The following WDR7 variants were observed in gnomAD, a reference collection of about 807,000 sequenced individuals.
WDR7 encodes WD repeat-containing protein 7.
Under a neutral mutation model 169.4 loss-of-function variants are expected in WDR7, and 46 were observed. The observed-to-expected ratio is 0.27, with a 90% CI of 0.21 to 0.35. WDR7 has a LOEUF of 0.35. WDR7 is among the 10% of genes least tolerant of loss of function. The pLI, the probability that WDR7 is intolerant of heterozygous loss-of-function variation, is 1.00. For synonymous variants in WDR7, 612 were observed against 666.8 expected, an observed-to-expected ratio of 0.92 and a Z score of 1.27; for missense variants, 1,534 against 1,859.3, an observed-to-expected ratio of 0.83 and a Z score of 3.22.
At chr18:56,798,006 CA>C (rs1417600052) in intron 19 of WDR7, among the ~76,000 whole-genome samples, 1 of 152,062 alleles carries the variant, frequency 6.6e-6, no homozygotes, top group Admixed American at 6.6e-5. Flanking sequence ...ATATATGTCG[CA>C]GGGAAATGTA....
chr18:57,026,112 A>C (rs1467488385), intron 27 of WDR7, among the ~76,000 whole-genome samples: 2 of 152,266 alleles, frequency 1.3e-5, no homozygotes, highest in Admixed American at 6.5e-5. Context: ...AATATTTAGA[A>C]TCTAAAGAAA....
intron 20 of WDR7, among the ~76,000 whole-genome samples, chr18:56,867,845 G>A (rs1433553226): frequency 6.6e-6 from 1 of 152,078 alleles, no homozygotes; most frequent in Non-Finnish European, 1.5e-5. Flanking sequence ...TCTGATATTT[G>A]CAACAGAGGC....
chr18:56,939,179 T>C (rs1280205570), intron 24 of WDR7, 132 bp from the exon 25 acceptor site: 2 of 576,180 alleles, frequency 3.5e-6, no homozygotes, highest in Non-Finnish European at 5.7e-6. Context: ...TAAATTGCTT[T>C]TGTTTTTATT....
intron 1 of WDR7, among the ~76,000 whole-genome samples, chr18:56,653,740 T>C (rs904859347): frequency 1.3e-5 from 2 of 152,222 alleles, no homozygotes; most frequent in African/African-American, 4.8e-5. Flanking sequence ...CTGCACAATA[T>C]TTCAGAATGT....
chr18:56,771,451 G>T (rs2044155109), intron 16 of WDR7, among the ~76,000 whole-genome samples: 2 of 151,984 alleles, frequency 1.3e-5, no homozygotes, highest in South Asian at 4.1e-4. Context: ...GTGGAGCGTG[G>T]TGGCTCATGC....
intron 20 of WDR7, among the ~76,000 whole-genome samples, chr18:56,863,353 A>G (rs1023171103): frequency 6.6e-6 from 1 of 151,736 alleles, no homozygotes; most frequent in Non-Finnish European, 1.5e-5. Flanking sequence ...TTGATTCTGT[A>G]GTGAGTAAGA....
At chr18:56,685,146 T>G (rs1209228764) in intron 5 of WDR7, among the ~76,000 whole-genome samples, 1 of 152,216 alleles carries the variant, frequency 6.6e-6, no homozygotes, top group African/African-American at 2.4e-5. Context: ...TATTTAAAGA[T>G]AACAATTTTT....
intron 20 of WDR7, among the ~76,000 whole-genome samples, chr18:56,876,940 T>C (rs2046031306): frequency 6.6e-6 from 1 of 152,154 alleles, no homozygotes; most frequent in African/African-American, 2.4e-5. Flanking sequence ...TCCTGCGCTT[T>C]GGGAGGCGAA....
intron 7 of WDR7, among the ~76,000 whole-genome samples, chr18:56,689,550 G>A (rs1468585586): frequency 3.3e-5 from 5 of 152,156 alleles, no homozygotes; most frequent in Admixed American, 1.3e-4. Context: ...ATGAGCCACC[G>A]TGCCTGGCCT....
At chr18:57,006,971 T>C (rs895737121) in intron 26 of WDR7, among the ~76,000 whole-genome samples, 4 of 151,874 alleles carry the variant, frequency 2.6e-5, no homozygotes, top group East Asian at 1.9e-4. Flanking sequence ...TTTTTTGTTA[T>C]CTTTCCTAAC....
intron 21 of WDR7, among the ~76,000 whole-genome samples, chr18:56,904,888 A>G (rs781525136): frequency 1.9e-4 from 29 of 152,272 alleles, no homozygotes; most frequent in Non-Finnish European, 2.9e-4. Flanking sequence ...TGAGAGAACC[A>G]TGGAAGGAAT....
chr18:56,701,919 A>G (rs562566723), intron 12 of WDR7, among the ~76,000 whole-genome samples: 2 of 152,226 alleles, frequency 1.3e-5, no homozygotes, highest in Non-Finnish European at 2.9e-5. Flanking sequence ...CTTCAGAACT[A>G]TAGAATATTA....
At chr18:56,687,906 G>A (rs1400268736) in intron 7 of WDR7, among the ~76,000 whole-genome samples, 2 of 152,182 alleles carry the variant, frequency 1.3e-5, no homozygotes, top group African/African-American at 4.8e-5. Context: ...GGGATTATAA[G>A]CATGAGCCAC....
chr18:56,664,040 T>C (rs1336839109), intron 1 of WDR7, among the ~76,000 whole-genome samples: 1 of 152,102 alleles, frequency 6.6e-6, no homozygotes, highest in Non-Finnish European at 1.5e-5. Flanking sequence ...ATCAGCAATG[T>C]CACACTAGCA....
At chr18:56,728,914 G>A (rs1403103964) in intron 13 of WDR7, among the ~76,000 whole-genome samples, 2 of 152,112 alleles carry the variant, frequency 1.3e-5, no homozygotes, top group African/African-American at 4.8e-5. Context: ...CTGGGCTGCT[G>A]CAGGCCCGCT....
At chr18:56,777,514 G>A (rs550510364) in intron 17 of WDR7, among the ~76,000 whole-genome samples, 3 of 152,174 alleles carry the variant, frequency 2.0e-5, no homozygotes, top group East Asian at 1.9e-4. Context: ...AATGGGAATG[G>A]GACCTACAAA....
chr18:56,818,068 G>A (rs1447402584), intron 20 of WDR7, among the ~76,000 whole-genome samples: 10 of 152,066 alleles, frequency 6.6e-5, no homozygotes, highest in Admixed American at 2.0e-4. Flanking sequence ...AAGCCAGTCC[G>A]TGTTTGTTCC....
At chr18:57,016,410 T>A (rs536529654) in intron 26 of WDR7, among the ~76,000 whole-genome samples, 316 of 152,252 alleles carry the variant, frequency 2.1e-3, no homozygotes, top group African/African-American at 7.4e-3. Flanking sequence ...AAGAAAATGG[T>A]TTAGATAGGA....
intron 19 of WDR7, among the ~76,000 whole-genome samples, chr18:56,803,930 G>A (rs1022831474): frequency 6.6e-6 from 1 of 152,136 alleles, no homozygotes; most frequent in Non-Finnish European, 1.5e-5. Flanking sequence ...TCAGTAGCTG[G>A]GATTACAGGT....
Sources: allele counts gnomAD v4.1 joint callset (sites outside exome capture counted in the v4.1 genomes callset), GRCh38; gene constraint gnomAD v4.1.1; transcripts MANE v1.5; gene names NCBI Gene and HGNC (gene_info 2026-07-23, HGNC 2026-07-21).